The following RAB21 variants were observed in gnomAD, a reference collection of about 807,000 sequenced individuals.
RAB21 encodes the protein RAB21, member RAS oncogene family, also known as ras-related protein Rab-21.
RAB21 carries 13 observed loss-of-function variants against 33.1 expected under a neutral mutation model. The observed-to-expected ratio is 0.39, with a 90% CI of 0.26 to 0.62. The LOEUF is 0.62. Ranked by LOEUF, RAB21 falls within the 20% of genes least tolerant of loss-of-function variation. The pLI is 0.48. For synonymous variants in RAB21, 91 were observed against 103.7 expected, an observed-to-expected ratio of 0.88 and a Z score of 0.74; for missense variants, 234 against 279.1, an observed-to-expected ratio of 0.84 and a Z score of 1.15.
chr12:71,771,162 A>G (rs1592646287), intron 3 of RAB21, among the ~76,000 whole-genome samples: 1 of 152,234 alleles, frequency 6.6e-6, no homozygotes, highest in Non-Finnish European at 1.5e-5. Context: ...CTTGCCAAAT[A>G]TAATAAAAGT....
chr12:71,781,196 G>A (rs1883193945), intron 4 of RAB21, among the ~76,000 whole-genome samples: 2 of 152,040 alleles, frequency 1.3e-5, no homozygotes, highest in African/African-American at 4.8e-5. Context: ...CCGGCCGGGC[G>A]CGGTGGCTCA....
Position 71,786,926 on chromosome 12 carries a change from A to G in RAB21, c.*1253A>G, listed in dbSNP as rs1237410664. 6.6e-6 allele frequency: 1 copy of G among 152,224 alleles called. No individual in the cohort carries two copies. Among genetic ancestry groups the G allele is most frequent in the African/African-American group, 2.4e-5 (1 of 41,448 alleles). 9.4% of individuals were successfully genotyped at this position (152,224 alleles called of 1,614,324 possible). ...GCTCATGTTGAATTTCACTTCTGCA[A>G]TAGCTTTCATTTTCTCATAGGCTTT... On this transcript the variant is annotated 3_prime_UTR_variant, in exon 7 of 7. Coordinates refer to ENST00000261263, the MANE Select transcript of RAB21 (RefSeq NM_014999.4).
At chr12:71,781,342 AC>A (rs2137656724) in intron 4 of RAB21, among the ~76,000 whole-genome samples, 1 of 140,668 alleles carries the variant, frequency 7.1e-6, no homozygotes, top group East Asian at 2.2e-4. Context: ...GGTGGCAGGC[AC>A]CTGTAGTCCC....
Position 71,787,547 on chromosome 12 carries a change from A to T in RAB21, c.*1874A>T, listed in dbSNP as rs1367784594. On this transcript the variant is annotated 3_prime_UTR_variant, in exon 7 of 7. Transcript: ENST00000261263. Reference sequence around the variant, plus strand: ...TTATAGTTACAAAAGAAATACTGCCATATTTTTAAGTTAATAACTTAAACC... The same window carrying T: ...TTATAGTTACAAAAGAAATACTGCCTTATTTTTAAGTTAATAACTTAAACC... 1 of 152,224 alleles carries T rather than the reference A, an allele frequency of 6.6e-6. No individual in the cohort carries two copies. Among genetic ancestry groups the T allele is most frequent in the Non-Finnish European group, 1.5e-5 (1 of 68,046 alleles). 9.4% of individuals were successfully genotyped at this position (152,224 alleles called of 1,614,324 possible). A position where few individuals can be genotyped will look rare whatever the true frequency, so the allele number is the denominator to read the frequency against.
intron 1 of RAB21, among the ~76,000 whole-genome samples, chr12:71,759,287 G>C (rs374449721): frequency 1.1e-4 from 16 of 152,334 alleles, no homozygotes; most frequent in African/African-American, 2.9e-4. Flanking sequence ...GGAATCTACT[G>C]TCTGGATTAG....
At chr12:71,770,780 G>A in intron 3 of RAB21, 81 bp downstream of exon 3, 1 of 882,952 alleles carries the variant, frequency 1.1e-6, no homozygotes, top group Non-Finnish European at 1.7e-6. Context: ...ATTCACTAAT[G>A]TGATTAGTTT....
intron 1 of RAB21, among the ~76,000 whole-genome samples, chr12:71,755,781 G>A (rs966486620): frequency 6.6e-6 from 1 of 152,200 alleles, no homozygotes; most frequent in African/African-American, 2.4e-5. Context: ...AGCCATCTCT[G>A]GAGGTTTTTT....
chr12:71,793,206 A>G lies in RAB21; in HGVS notation c.*7533A>G, dbSNP rs895531502. 2.0e-5 allele frequency: 3 copies of G among 152,154 alleles called. No homozygotes were observed. The highest frequency in any genetic ancestry group is 7.2e-5 in the African/African-American group (3 of 41,442). 9.4% of individuals were successfully genotyped at this position (152,154 alleles called of 1,614,324 possible). ...TAACCTAGAAAAAATACAATTTAAA[A>G]AGCAATCATGTTGTTTTCTTTGCCT... On this transcript the variant is annotated 3_prime_UTR_variant, in exon 7 of 7. Coordinates refer to ENST00000261263, the MANE Select transcript of RAB21 (RefSeq NM_014999.4).
Position 71,771,537 on chromosome 12 carries a change from A to G in RAB21, c.327+838A>G, listed in dbSNP as rs193267769. 1.1e-4 allele frequency among the ~76,000 whole-genome samples: 17 copies of G among 152,324 alleles called. No homozygotes were observed. The East Asian group carries it at 2.7e-3, about 24-fold the overall frequency. On this transcript the variant is annotated intron_variant, in intron 3 of 6. Coordinates refer to ENST00000261263, the MANE Select transcript of RAB21 (RefSeq NM_014999.4). ...TTAGCCCTTGGGTTATTAATGATAA[A>G]TGGAAAAACTTAATCCAAAAGTAGA...
rs1299539097 is a variant in RAB21 at position 71,785,655 on chromosome 12, G to A, written c.660G>A (p.Gly220=). 2 of 1,614,158 alleles carry A rather than the reference G, an allele frequency of 1.2e-6. No homozygotes were observed. The highest frequency in any genetic ancestry group is 8.5e-7 in the Non-Finnish European group (1 of 1,180,030). ...DEPQAQTSGG[G]CCSSG ...CTCAAGCCCAGACCAGTGGTGGAGG[G>A]TGCTGTTCTTCTGGATAACTGTTCA... The change falls in exon 7 of 7, where the codon GGG becomes GGA. Residue 220 remains glycine, a synonymous_variant. Coordinates refer to ENST00000261263, the MANE Select transcript of RAB21 (RefSeq NM_014999.4).
intron 1 of RAB21, among the ~76,000 whole-genome samples, chr12:71,759,825 C>T (rs1336465674): frequency 6.6e-6 from 1 of 152,192 alleles, no homozygotes; most frequent in Non-Finnish European, 1.5e-5. Context: ...TGAAGTTACA[C>T]TGGGGTTTGA....
At chr12:71,765,840 T>C (rs1882952864) in intron 1 of RAB21, among the ~76,000 whole-genome samples, 2 of 152,128 alleles carry the variant, frequency 1.3e-5, no homozygotes, top group African/African-American at 2.4e-5. Flanking sequence ...TGTTGCTATC[T>C]TGATGTTTCA....
chr12:71,782,056 G>A lies in RAB21; in HGVS notation c.417G>A (p.Glu139=). ...IVGNKIDLEK[E]RHVSIQEAES... ...GTAATAAAATAGACTTGGAAAAGGA[G>A]AGACATGTTTCCATTCAAGAAGCAG... The change falls in exon 5 of 7, where the codon GAG becomes GAA. Residue 139 remains glutamate, a synonymous_variant. Transcript: ENST00000261263. The A allele has an allele frequency of 1.9e-6, 3 of 1,606,922 alleles. No homozygotes were observed. In the South Asian group the frequency reaches 3.3e-5, roughly 18 times the overall value.
chr12:71,757,487 T>G (rs527659278), intron 1 of RAB21, among the ~76,000 whole-genome samples: 89 of 152,314 alleles, frequency 5.8e-4, no homozygotes, highest in African/African-American at 2.1e-3. Context: ...GAGTAAAGGT[T>G]TTTAAATATA....
intron 1 of RAB21, among the ~76,000 whole-genome samples, chr12:71,767,278 T>C (rs1343887217): frequency 6.6e-6 from 1 of 152,094 alleles, no homozygotes; most frequent in Admixed American, 6.6e-5. Flanking sequence ...AAATTTGCCG[T>C]GGGAGAGTGG....
intron 1 of RAB21, among the ~76,000 whole-genome samples, chr12:71,758,064 A>T (rs1882812436): frequency 6.7e-6 from 1 of 149,290 alleles, no homozygotes; most frequent in South Asian, 2.1e-4. Flanking sequence ...ATGGAGTCTC[A>T]CTCTATCACC....
At chr12:71,772,296 A>G (rs368121205) in intron 3 of RAB21, among the ~76,000 whole-genome samples, 2 of 152,166 alleles carry the variant, frequency 1.3e-5, no homozygotes, top group Non-Finnish European at 2.9e-5. Flanking sequence ...TAAGCTTTTT[A>G]TATGACAACT....
At position 71,794,427 on chromosome 12, in the gene RAB21, ATTTTTTTTTTTTTTTTT is replaced by A. The variant is rs71068802; in HGVS notation, c.*8767_*8783del. 3.6e-5 allele frequency: 1 copy of A among 27,964 alleles called. No individual in the cohort carries two copies. The highest frequency in any genetic ancestry group is 1.3e-4 in the African/African-American group (1 of 7,894). The allele number at this position is 27,964 out of a possible 1,614,324, so 1.7% of individuals were successfully genotyped here. The stretch of plus-strand genomic sequence containing the variant: ...ATATTATATATATATATATATATAT[ATTTTTTTTTTTTTTTTT>A]TTTTTTTTTTTTGAGACGGAGTCTC... On this transcript the variant is annotated 3_prime_UTR_variant, in exon 7 of 7. Coordinates refer to ENST00000261263, the MANE Select transcript of RAB21 (RefSeq NM_014999.4).
At chr12:71,782,398 G>A in intron 5 of RAB21, 172 bp from the exon 6 acceptor site, 1 of 524,424 alleles carries the variant, frequency 1.9e-6, no homozygotes, top group Non-Finnish European at 3.3e-6. Context: ...TGTTATATTT[G>A]TGTTATTTAA....
Sources: allele counts gnomAD v4.1 joint callset (sites outside exome capture counted in the v4.1 genomes callset), GRCh38; gene constraint gnomAD v4.1.1; transcripts MANE v1.5; gene names NCBI Gene and HGNC (gene_info 2026-07-23, HGNC 2026-07-21).